Variants in ESRRB observed in about 807,000 individuals in gnomAD.
ESRRB encodes the protein steroid hormone receptor ERR2.
In ESRRB, 16 loss-of-function variants were observed where a neutral mutation model predicts 46.0. The ratio of observed to expected loss-of-function variants is 0.35; its 90% CI spans 0.24 to 0.53. The LOEUF is 0.53. Among genes scored for constraint, ESRRB ranks in the 20% least tolerant of loss-of-function variants. The pLI is 0.93. For missense variants in ESRRB, 488 were observed against 607.4 expected, an observed-to-expected ratio of 0.80 and a Z score of 2.07; for synonymous variants, 246 against 259.6, an observed-to-expected ratio of 0.95 and a Z score of 0.50.
At chr14:76,338,398 C>T (rs1427046388) in intron 1 of ESRRB, among the ~76,000 whole-genome samples, 1 of 152,166 alleles carries the variant, frequency 6.6e-6, no homozygotes, top group African/African-American at 2.4e-5. Flanking sequence ...GCCCTGCCAG[C>T]CAGGAGAGCC....
intron 1 of ESRRB, among the ~76,000 whole-genome samples, chr14:76,410,623 T>C (rs1322193609): frequency 3.3e-5 from 5 of 152,054 alleles, no homozygotes; most frequent in African/African-American, 7.2e-5. Flanking sequence ...AGGATCCAAA[T>C]TGTGAATGAT....
chr14:76,490,322 T>G (rs922564750), intron 5 of ESRRB, among the ~76,000 whole-genome samples: 1 of 152,206 alleles, frequency 6.6e-6, no homozygotes, highest in East Asian at 1.9e-4. Context: ...TCTCTCTTAC[T>G]CTCCTATAAA....
intron 1 of ESRRB, among the ~76,000 whole-genome samples, chr14:76,434,536 T>C (rs557631466): frequency 6.6e-6 from 1 of 151,566 alleles, no homozygotes; most frequent in Admixed American, 6.6e-5. Flanking sequence ...GTCACGCGCC[T>C]GTAATCCCAG....
At chr14:76,421,673 G>C (rs746854226) in intron 1 of ESRRB, among the ~76,000 whole-genome samples, 2 of 152,160 alleles carry the variant, frequency 1.3e-5, no homozygotes, top group Non-Finnish European at 2.9e-5. Context: ...AAAGCAGCAG[G>C]GGCACTGAGG....
At chr14:76,332,890 A>T (rs1486236962) in intron 1 of ESRRB, among the ~76,000 whole-genome samples, 11 of 36,366 alleles carry the variant, frequency 3.0e-4, no homozygotes, top group African/African-American at 1.3e-3. Flanking sequence ...TATATTATAT[A>T]TTTATATATT....
intron 5 of ESRRB, among the ~76,000 whole-genome samples, chr14:76,484,173 T>A (rs1163049940): frequency 4.6e-5 from 7 of 152,142 alleles, no homozygotes; most frequent in African/African-American, 1.7e-4. Context: ...CACAGTTGAT[T>A]GAGAGAATAA....
intron 3 of ESRRB, among the ~76,000 whole-genome samples, chr14:76,472,895 C>A (rs1026088753): frequency 2.0e-5 from 3 of 152,222 alleles, no homozygotes; most frequent in African/African-American, 4.8e-5. Context: ...TAGCACAGTG[C>A]TCCCCAGACC....
chr14:76,477,706 T>C (rs1889636971), intron 3 of ESRRB, among the ~76,000 whole-genome samples: 1 of 152,134 alleles, frequency 6.6e-6, no homozygotes, highest in African/African-American at 2.4e-5. Flanking sequence ...TCACATCAGG[T>C]GTCAGTTTGT....
At chr14:76,363,722 C>T (rs114981912) in intron 1 of ESRRB, among the ~76,000 whole-genome samples, 3,057 of 152,258 alleles carry the variant, frequency 0.02, 102 homozygotes, top group African/African-American at 0.07. Context: ...GTTGGACCTA[C>T]GCACATATTT....
intron 2 of ESRRB, among the ~76,000 whole-genome samples, chr14:76,451,672 G>C (rs781594505): frequency 1.2e-4 from 19 of 152,036 alleles, no homozygotes; most frequent in Non-Finnish European, 1.9e-4. Context: ...TGTTGCCCAG[G>C]CTGGAGTGCA....
chr14:76,348,287 T>TGA (rs2057891711), intron 1 of ESRRB, among the ~76,000 whole-genome samples: 2 of 152,172 alleles, frequency 1.3e-5, no homozygotes, highest in Admixed American at 6.5e-5. Context: ...GACCCAGCCC[T>TGA]GTGGTGGGTG....
chr14:76,464,459 C>T (rs1266532792), intron 3 of ESRRB, among the ~76,000 whole-genome samples: 1 of 152,230 alleles, frequency 6.6e-6, no homozygotes, highest in African/African-American at 2.4e-5. Context: ...CAGCTCAGCC[C>T]AGCACCTGTA....
At chr14:76,483,582 A>G (rs1196084430) in intron 5 of ESRRB, among the ~76,000 whole-genome samples, 1 of 152,138 alleles carries the variant, frequency 6.6e-6, no homozygotes, top group African/African-American at 2.4e-5. Context: ...TTATTTTTGT[A>G]GACACCAACA....
chr14:76,360,510 G>C (rs1884450209), intron 1 of ESRRB, among the ~76,000 whole-genome samples: 1 of 152,146 alleles, frequency 6.6e-6, no homozygotes, highest in Non-Finnish European at 1.5e-5. Flanking sequence ...GCAAGAGAGA[G>C]CACTGGGCAA....
chr14:76,374,894 C>T (rs1392558228), upstream of ESRRB, among the ~76,000 whole-genome samples: 1 of 152,118 alleles, frequency 6.6e-6, no homozygotes, highest in Non-Finnish European at 1.5e-5. Context: ...TTATCCAAGT[C>T]AAAAATCATC....
chr14:76,393,676 G>T (rs1390070757), intron 1 of ESRRB, among the ~76,000 whole-genome samples: 3 of 152,294 alleles, frequency 2.0e-5, no homozygotes, highest in African/African-American at 7.2e-5. Flanking sequence ...CCAAGCAGGT[G>T]CCCATGTCCA....
At chr14:76,323,437 G>A (rs1883891839) in intron 1 of ESRRB, among the ~76,000 whole-genome samples, 1 of 151,738 alleles carries the variant, frequency 6.6e-6, no homozygotes. Flanking sequence ...GGCTTCTTGA[G>A]TAGCTGGGAC....
intron 1 of ESRRB, among the ~76,000 whole-genome samples, chr14:76,401,521 A>G (rs76637221): frequency 0.027 from 4,136 of 152,356 alleles, 187 homozygotes; most frequent in African/African-American, 0.095. Flanking sequence ...CATGTGCCAC[A>G]TAATGACATT....
chr14:76,472,338 G>T (rs767653004), intron 3 of ESRRB, among the ~76,000 whole-genome samples: 30 of 152,196 alleles, frequency 2.0e-4, no homozygotes, highest in Non-Finnish European at 3.7e-4. Context: ...AGCCCAGCAT[G>T]ATAGCAGACA....
Sources: allele counts gnomAD v4.1 joint callset (sites outside exome capture counted in the v4.1 genomes callset), GRCh38; gene constraint gnomAD v4.1.1; transcripts MANE v1.5; gene names NCBI Gene and HGNC (gene_info 2026-07-23, HGNC 2026-07-21).